ARID1A: variants seen among roughly 807,000 people sequenced by gnomAD.
The protein encoded by ARID1A is AT-rich interaction domain 1A.
ARID1A carries 20 observed loss-of-function variants against 212.6 expected under a neutral mutation model. That is an observed-to-expected ratio of 0.09 (90% CI 0.07 to 0.14). The LOEUF (loss-of-function observed/expected upper bound fraction) is 0.14. Ranked by LOEUF, ARID1A falls within the 10% of genes least tolerant of loss-of-function variation. The pLI is 1.00. For synonymous variants in ARID1A, 1,376 were observed against 1,222.1 expected, an observed-to-expected ratio of 1.13 and a Z score of -2.63; for missense variants, 2,587 against 3,059.0, an observed-to-expected ratio of 0.85 and a Z score of 3.64.
chr1:26,724,800 C>G (rs1364296672), intron 1 of ARID1A, among the ~76,000 whole-genome samples: 1 of 152,132 alleles, frequency 6.6e-6, no homozygotes, highest in Admixed American at 6.6e-5. Context: ...AGGGGTCTGT[C>G]TGCTAGCTGT....
chr1:26,754,227 C>T (rs187384528), intron 4 of ARID1A, among the ~76,000 whole-genome samples: 1 of 152,246 alleles, frequency 6.6e-6, no homozygotes. Context: ...GAAAAACTGG[C>T]TTTTTGTAGA....
At chr1:26,762,013 C>A in intron 6 of ARID1A, 139 bp from the exon 7 acceptor site, 1 of 978,088 alleles carries the variant, frequency 1.0e-6, no homozygotes, top group Non-Finnish European at 1.5e-6. Context: ...TGACACACCA[C>A]TATATAGAAA....
chr1:26,710,494 T>TACATACACACACACACAC (rs113290668), intron 1 of ARID1A, among the ~76,000 whole-genome samples: 10 of 131,426 alleles, frequency 7.6e-5, no homozygotes, highest in East Asian at 2.2e-4. Context: ...AAATAATACA[T>TACATACACACACACACAC]ACACACACAC....
chr1:26,751,803 CT>C (rs2080887451), intron 4 of ARID1A, among the ~76,000 whole-genome samples: 3 of 152,172 alleles, frequency 2.0e-5, no homozygotes, highest in African/African-American at 2.4e-5. Context: ...GGAGTTTCCT[CT>C]TGGAGACGGG....
At position 26,779,694 on chromosome 1, in the gene ARID1A, C is replaced by T. The variant is rs2124142888; in HGVS notation, c.5796C>T (p.Ala1932=). ...LTEDGAKSSE[A]IKESSKFPFG... ...AGGATGGAGCTAAGAGTTCAGAGGC[C>T]ATCAAGGAGAGCAGCAAGTTTCCAT... The change falls in exon 20 of 20, where the codon GCC becomes GCT. Residue 1932 remains alanine (A), a synonymous_variant. Coordinates refer to ENST00000324856, the MANE Select transcript of ARID1A (RefSeq NM_006015.6). 1 of 1,614,094 alleles carries T rather than the reference C, an allele frequency of 6.2e-7. No individual in the cohort carries two copies. Among genetic ancestry groups the T allele is most frequent in the Non-Finnish European group, 8.5e-7 (1 of 1,180,030 alleles).
intron 4 of ARID1A, among the ~76,000 whole-genome samples, 157 bp from the exon 5 acceptor site, chr1:26,760,699 T>A (rs545592432): frequency 6.8e-6 from 1 of 147,682 alleles, no homozygotes; most frequent in African/African-American, 2.4e-5. Flanking sequence ...AAAAAAAAAT[T>A]TTTTTTTTTA....
intron 4 of ARID1A, among the ~76,000 whole-genome samples, chr1:26,738,307 G>C (rs1165493411): frequency 1.3e-5 from 2 of 152,080 alleles, no homozygotes; most frequent in Non-Finnish European, 2.9e-5. Context: ...ACAGCCATGA[G>C]CCACGGTGCC....
At chr1:26,720,199 C>T (rs1181219521) in intron 1 of ARID1A, among the ~76,000 whole-genome samples, 2 of 150,584 alleles carry the variant, frequency 1.3e-5, no homozygotes, top group Non-Finnish European at 3.0e-5. Flanking sequence ...TGGAGTCAGC[C>T]GAGGTCACGC....
chr1:26,746,016 A>G (rs1244175062), intron 4 of ARID1A, among the ~76,000 whole-genome samples: 1 of 152,150 alleles, frequency 6.6e-6, no homozygotes, highest in African/African-American at 2.4e-5. Context: ...GTGCCACTGC[A>G]CTCCAGTCTG....
In ARID1A at chr1:26,696,826, C is replaced by T. The variant is rs900798065; in HGVS notation, c.423C>T (p.Ala141=). Residue 141 remains alanine, a synonymous_variant, in exon 1 of 20, where the codon GCC becomes GCT. Coordinates refer to ENST00000324856, the MANE Select transcript of ARID1A (RefSeq NM_006015.6). ...GGGCGCCTCCTCACTCAGCCGCGGCCGCCTTGCCGCCCCCAGCCTACGGCT... is the reference window on the plus strand; with the variant it reads ...GGGCGCCTCCTCACTCAGCCGCGGCTGCCTTGCCGCCCCCAGCCTACGGCT... The part of the protein sequence containing the change: ...GVGAPPHSAA[A]ALPPPAYGFG... The T allele has an allele frequency of 3.0e-6, 4 of 1,340,484 alleles. No individual in the cohort carries two copies. Among genetic ancestry groups the T allele is most frequent in the East Asian group, 3.1e-5 (1 of 32,174 alleles). 83.0% of individuals were successfully genotyped at this position (1,340,484 alleles called of 1,614,324 possible).
rs747792434 is a variant in ARID1A at position 26,762,183 on chromosome 1, G to A, written c.2283G>A (p.Gln761=). ...GYMQRNPQMP[Q]YSSPQPGSAL... is the part of the protein sequence containing the mutation. ...TGCAGAGGAACCCCCAGATGCCCCAGTACAGTTCCCCCCAGCCCGGCTCAG... is the reference window on the plus strand; with the variant it reads ...TGCAGAGGAACCCCCAGATGCCCCAATACAGTTCCCCCCAGCCCGGCTCAG... The change falls in exon 7 of 20, where the codon CAG becomes CAA. Residue 761 remains glutamine (Q), a synonymous_variant. Transcript: ENST00000324856. The A allele has an allele frequency of 6.2e-6, 10 of 1,614,016 alleles. No homozygotes were observed. The highest frequency in any genetic ancestry group is 2.2e-5 in the East Asian group (1 of 44,904).
intron 19 of ARID1A, chr1:26,776,017 T>G: frequency 2.3e-6 from 1 of 437,810 alleles, no homozygotes; most frequent in South Asian, 1.9e-5. Flanking sequence ...AGAATCTGTG[T>G]TTTTTTGTTT....
In ARID1A at chr1:26,696,897, C is replaced by T. The variant is rs2080269111; in HGVS notation, c.494C>T (p.Ala165Val). The T allele has an allele frequency of 2.2e-6, 3 of 1,374,106 alleles. No individual in the cohort carries two copies. The highest frequency in any genetic ancestry group is 1.9e-6 in the Non-Finnish European group (2 of 1,063,936). 85.1% of individuals were successfully genotyped at this position (1,374,106 alleles called of 1,614,324 possible). A position where few individuals can be genotyped will look rare whatever the true frequency, so the allele number is the denominator to read the frequency against. Reference sequence around the variant, plus strand: ...AGCCCGTCTGCCGTCGCCGCCGCCGCGGCCGCCGTCTTCCACCAACAACAT... The same window carrying T: ...AGCCCGTCTGCCGTCGCCGCCGCCGTGGCCGCCGTCTTCCACCAACAACAT... The part of the protein sequence containing the change: ...GRSPSAVAAA[A>V]AAVFHQQHGG... The change falls in exon 1 of 20, where the codon GCG (alanine) becomes GTG (valine). Residue 165 changes from alanine to valine, a missense_variant. This residue lies in a region of ARID1A where 735 missense variants were observed against 590.6 expected (regional missense o/e 1.24). Coordinates refer to ENST00000324856, the MANE Select transcript of ARID1A (RefSeq NM_006015.6).
intron 4 of ARID1A, among the ~76,000 whole-genome samples, chr1:26,756,733 C>T (rs1416849684): frequency 2.6e-5 from 4 of 151,512 alleles, no homozygotes; most frequent in African/African-American, 7.3e-5. Flanking sequence ...GACGGAGTCT[C>T]GCTCTGTCGC....
chr1:26,746,056 A>C (rs1316888570), intron 4 of ARID1A, among the ~76,000 whole-genome samples: 2 of 152,190 alleles, frequency 1.3e-5, no homozygotes, highest in African/African-American at 4.8e-5. Context: ...TGTCTCAAAA[A>C]AATAGAAAAG....
chr1:26,761,807 CTG>C (rs2080994646), intron 6 of ARID1A, among the ~76,000 whole-genome samples: 2 of 152,136 alleles, frequency 1.3e-5, no homozygotes, highest in South Asian at 2.1e-4. Flanking sequence ...CAGTACTTGT[CTG>C]TGTTTTGATG....
Position 26,774,155 on chromosome 1 carries a change from AAG to A in ARID1A, c.4102-171_4102-170del, listed in dbSNP as rs1189313473. The A allele has an allele frequency of 1.2e-5, 16 of 1,293,148 alleles. No homozygotes were observed. Among genetic ancestry groups the A allele is most frequent in the African/African-American group, 6.0e-5 (4 of 66,558 alleles). The allele number at this position is 1,293,148 out of a possible 1,614,324, so 80.1% of individuals were successfully genotyped here. On this transcript the variant is annotated intron_variant, in intron 17 of 19. Transcript: ENST00000324856. The surrounding 1 kb of genome is among the most constrained non-coding windows in gnomAD (Gnocchi z 5.6). ...TCTACTTAAGCAAGGGAAGGGAAGA[AAG>A]AGTGGTGGTTGCTTTTGGAAACAAC...
rs576662564 is a variant in ARID1A, at chr1:26,736,819, T to A, written c.1920+4027T>A. On this transcript the variant is annotated intron_variant, in intron 4 of 19. Transcript: ENST00000324856. Reference sequence around the variant, plus strand: ...CGGGAGGCTGAGGCAGGAGAATTGCTTCAATCCAGGAGGCAGAGGTTGCAG... The same window carrying A: ...CGGGAGGCTGAGGCAGGAGAATTGCATCAATCCAGGAGGCAGAGGTTGCAG... 4.0e-5 allele frequency among the ~76,000 whole-genome samples: 6 copies of A among 151,100 alleles called. No individual in the cohort carries two copies. In the East Asian group the frequency reaches 1.2e-3, roughly 29 times the overall value.
intron 1 of ARID1A, among the ~76,000 whole-genome samples, chr1:26,719,171 T>C (rs1048439956): frequency 6.6e-6 from 1 of 152,234 alleles, no homozygotes; most frequent in African/African-American, 2.4e-5. Context: ...CATTTGTTTG[T>C]TTTGTATACA....
Sources: gnomAD v4.1 joint callset for allele counts (sites outside exome capture counted in the v4.1 genomes callset) on GRCh38, gnomAD v4.1.1 for gene constraint, gnomAD v4.1.1 regional missense constraint, Gnocchi (gnomAD v3.1) non-coding constraint, MANE v1.5 for transcripts, NCBI Gene and HGNC (gene_info 2026-07-23, HGNC 2026-07-21) for gene names.